The following TMEM135 variants were observed in gnomAD, a reference collection of about 807,000 sequenced individuals.
TMEM135 encodes peroxisomal membrane protein 52.
TMEM135 carries 30 observed loss-of-function variants against 60.3 expected under a neutral mutation model. The ratio of observed to expected loss-of-function variants is 0.50; its 90% CI spans 0.37 to 0.68. The LOEUF (loss-of-function observed/expected upper bound fraction) is 0.68. Ranked by LOEUF, TMEM135 falls within the 30% of genes least tolerant of loss-of-function variation. The pLI is 0.00. For missense variants in TMEM135, 468 were observed against 548.8 expected (o/e 0.85, Z 1.47); for synonymous variants, 190 against 186.7 (o/e 1.02, Z -0.14).
intron 1 of TMEM135, among the ~76,000 whole-genome samples, chr11:87,050,482 T>C (rs1949831365): frequency 1.5e-5 from 1 of 67,212 alleles, no homozygotes; most frequent in Non-Finnish European, 2.5e-5. Context: ...ATAAAGGGGA[T>C]ATCACCACCG....
intron 5 of TMEM135, among the ~76,000 whole-genome samples, chr11:87,224,121 A>G (rs913732365): frequency 1.3e-5 from 2 of 152,226 alleles, no homozygotes; most frequent in African/African-American, 4.8e-5. Flanking sequence ...TTACTCTGTT[A>G]TACTAATATG....
Position 87,070,347 on chromosome 11 carries a change from AT to A in TMEM135, c.270-1167del, listed in dbSNP as rs757118987. 6.0e-4 allele frequency among the ~76,000 whole-genome samples: 91 copies of A among 151,254 alleles called. 1 individual carries two copies. The highest frequency in any genetic ancestry group is 2.1e-4 in the Non-Finnish European group (14 of 67,806). ...AAAAAACTTCCTCATGTCTCCAAAT[AT>A]TTTTTTTTCTCTTAAAAAACCTGCG... On this transcript the variant is annotated intron_variant, in intron 2 of 14. Transcript: ENST00000305494.
intron 1 of TMEM135, among the ~76,000 whole-genome samples, chr11:87,064,359 A>T (rs1052723572): frequency 4.0e-5 from 6 of 151,820 alleles, no homozygotes; most frequent in Admixed American, 3.9e-4. Flanking sequence ...CAAGAGATTC[A>T]GTTAACTCTT....
chr11:87,091,611 T>C (rs568765225), intron 4 of TMEM135, among the ~76,000 whole-genome samples: 1 of 152,262 alleles, frequency 6.6e-6, no homozygotes, highest in African/African-American at 2.4e-5. Context: ...AGGAAATCAC[T>C]GTCTTGTGCT....
At position 87,232,589 on chromosome 11, in the gene TMEM135, A is replaced by G. The variant is rs192906806; in HGVS notation, c.463-4049A>G. 9.1e-3 allele frequency among the ~76,000 whole-genome samples: 1,379 copies of G among 152,284 alleles called. 6 individuals are homozygous for G. The highest frequency in any genetic ancestry group is 0.013 in the Non-Finnish European group (854 of 68,004). ...CAGCAAAAGTATCTTTCAAAACAAA[A>G]TGAAAAAACTTTTTGCAGACCTACA... On this transcript the variant is annotated intron_variant, in intron 5 of 14. Coordinates refer to ENST00000305494, the MANE Select transcript of TMEM135 (RefSeq NM_022918.4).
intron 5 of TMEM135, among the ~76,000 whole-genome samples, chr11:87,198,974 T>G (rs1314562070): frequency 6.6e-6 from 1 of 152,194 alleles, no homozygotes; most frequent in African/African-American, 2.4e-5. Flanking sequence ...ATAATAGAAT[T>G]ATGTACAAAA....
At chr11:87,148,938 G>C (rs503939) in intron 4 of TMEM135, among the ~76,000 whole-genome samples, 36,247 of 151,842 alleles carry the variant, frequency 0.24, 5,117 homozygotes, top group East Asian at 0.61. Context: ...GTGGGTTGGA[G>C]TTAAATTCAT....
chr11:87,203,926 T>C (rs1940177944), intron 5 of TMEM135, among the ~76,000 whole-genome samples: 1 of 152,216 alleles, frequency 6.6e-6, no homozygotes, highest in Non-Finnish European at 1.5e-5. Flanking sequence ...TGGTATCTTA[T>C]CGTTCGTTTT....
chr11:87,159,012 G>A (rs1219966644), intron 5 of TMEM135, among the ~76,000 whole-genome samples: 1 of 152,136 alleles, frequency 6.6e-6, no homozygotes, highest in Non-Finnish European at 1.5e-5. Context: ...GATGGTTAGG[G>A]AAATGTATGC....
chr11:87,318,455 A>G (rs1565170249), intron 13 of TMEM135, among the ~76,000 whole-genome samples: 1 of 151,876 alleles, frequency 6.6e-6, no homozygotes, highest in Non-Finnish European at 1.5e-5. Context: ...GAGTACACCA[A>G]TTTTTAGGTT....
intron 6 of TMEM135, among the ~76,000 whole-genome samples, chr11:87,259,658 T>C (rs957376457): frequency 2.6e-5 from 4 of 152,176 alleles, no homozygotes; most frequent in African/African-American, 9.7e-5. Flanking sequence ...GATATACAAG[T>C]TCATCTAAAA....
intron 3 of TMEM135, among the ~76,000 whole-genome samples, chr11:87,090,278 T>C (rs1380209577): frequency 6.6e-6 from 1 of 152,156 alleles, no homozygotes; most frequent in Non-Finnish European, 1.5e-5. Context: ...CCTCAAATGT[T>C]CCCTAATTTT....
rs914523438 is a variant in TMEM135 at position 87,278,486 on chromosome 11, C to T, written c.510-17296C>T. On this transcript the variant is annotated intron_variant, in intron 6 of 14. Transcript: ENST00000305494. ...GTTCAAGTGATTCTCCTGCCTCAAC[C>T]TCCCTATTAGCTGGGATTACAGGTG... 1.3e-4 allele frequency among the ~76,000 whole-genome samples: 19 copies of T among 151,878 alleles called. No homozygotes were observed. The South Asian group carries it at 4.0e-3, about 32-fold the overall frequency.
intron 10 of TMEM135, among the ~76,000 whole-genome samples, chr11:87,310,109 T>A (rs983574317): frequency 8.5e-5 from 13 of 152,114 alleles, no homozygotes; most frequent in Non-Finnish European, 1.5e-4. Flanking sequence ...CGGTGAGGAT[T>A]TTCTATTGTA....
intron 5 of TMEM135, among the ~76,000 whole-genome samples, chr11:87,180,404 A>G (rs2135302151): frequency 6.6e-6 from 1 of 152,254 alleles, no homozygotes; most frequent in Admixed American, 6.5e-5. Flanking sequence ...TGCAGAAAGT[A>G]TATGAGTGTG....
chr11:87,120,107 CTTCTTCTTCTTTTTTTT>C (rs1565449168), intron 4 of TMEM135, among the ~76,000 whole-genome samples: 25 of 84,970 alleles, frequency 2.9e-4, no homozygotes, highest in Middle Eastern at 6.8e-3. Context: ...CTGTTTTTTT[CTTCTTCTTCTTTTTTTT>C]TTTTTTTTGA....
At chr11:87,108,403 A>G (rs896928982) in intron 4 of TMEM135, among the ~76,000 whole-genome samples, 1 of 152,114 alleles carries the variant, frequency 6.6e-6, no homozygotes, top group Admixed American at 6.5e-5. Context: ...TAGGTCTAAC[A>G]TTTAAGTCTT....
At chr11:87,155,293 C>G (rs541176972) in intron 4 of TMEM135, among the ~76,000 whole-genome samples, 2 of 152,310 alleles carry the variant, frequency 1.3e-5, no homozygotes, top group South Asian at 4.1e-4. Context: ...GCCGCCATGC[C>G]CAGACTGTTT....
chr11:87,078,617 ATTTG>A (rs958860033), intron 3 of TMEM135, among the ~76,000 whole-genome samples: 25 of 150,374 alleles, frequency 1.7e-4, no homozygotes, highest in African/African-American at 5.6e-4. Flanking sequence ...TCTTTTTTTT[ATTTG>A]TTTGTTTTTT....
Sources: allele counts gnomAD v4.1 joint callset (sites outside exome capture counted in the v4.1 genomes callset), GRCh38; gene constraint gnomAD v4.1.1; transcripts MANE v1.5; gene names NCBI Gene and HGNC (gene_info 2026-07-23, HGNC 2026-07-21).